Variants in GUCY1A2 observed in about 807,000 individuals in gnomAD.
The protein encoded by GUCY1A2 is guanylate cyclase 1 soluble subunit alpha 2, also known as guanylate cyclase soluble subunit alpha-2.
A neutral mutation model predicts 63.5 loss-of-function variants in GUCY1A2; 27 were observed. The ratio of observed to expected loss-of-function variants is 0.43; its 90% CI spans 0.31 to 0.59. The LOEUF is 0.59. GUCY1A2 is among the 20% of genes least tolerant of loss of function. The pLI is 0.11. For synonymous variants in GUCY1A2, 364 were observed against 343.5 expected, an observed-to-expected ratio of 1.06 and a Z score of -0.66; for missense variants, 768 against 913.3, an observed-to-expected ratio of 0.84 and a Z score of 2.05.
intron 4 of GUCY1A2, among the ~76,000 whole-genome samples, chr11:106,913,434 C>T (rs1240298735): frequency 6.6e-6 from 1 of 152,018 alleles, no homozygotes; most frequent in East Asian, 1.9e-4. Flanking sequence ...GCCTGCCTCT[C>T]TTTAACAACC....
At chr11:106,842,216 C>T (rs1859208405) in intron 4 of GUCY1A2, among the ~76,000 whole-genome samples, 1 of 151,920 alleles carries the variant, frequency 6.6e-6, no homozygotes, top group African/African-American at 2.4e-5. Flanking sequence ...CCATCCCTTC[C>T]CTTGCTCCAT....
chr11:106,940,255 A>G (rs1860735620), intron 3 of GUCY1A2, 77 bp from the exon 4 acceptor site: 5 of 711,396 alleles, frequency 7.0e-6, no homozygotes, highest in South Asian at 5.6e-5. Flanking sequence ...AGTGCTTATC[A>G]AAAGAGTAAC....
chr11:106,960,682 T>C (rs938466901), intron 3 of GUCY1A2, among the ~76,000 whole-genome samples: 1 of 152,238 alleles, frequency 6.6e-6, no homozygotes, highest in African/African-American at 2.4e-5. Context: ...GGTAAGCCTT[T>C]GGTTTTAAGT....
intron 1 of GUCY1A2, among the ~76,000 whole-genome samples, chr11:107,012,221 T>G (rs1281119178): frequency 6.6e-6 from 1 of 151,696 alleles, no homozygotes; most frequent in Non-Finnish European, 1.5e-5. Context: ...TTTAATGGAT[T>G]GTCTGGGCTA....
At chr11:106,979,382 G>T (rs1005860318) in intron 2 of GUCY1A2, among the ~76,000 whole-genome samples, 33 of 151,012 alleles carry the variant, frequency 2.2e-4, no homozygotes, top group African/African-American at 8.0e-4. Flanking sequence ...GTGAACCCAG[G>T]AGGCGGAGCT....
chr11:106,689,395 ATTCT>A (rs1280232827), intron 7 of GUCY1A2, among the ~76,000 whole-genome samples: 11 of 152,230 alleles, frequency 7.2e-5, no homozygotes, highest in African/African-American at 2.7e-4. Context: ...ACATTTCAAA[ATTCT>A]TTCAAAAGCC....
At chr11:106,820,423 G>C (rs1408936023) in intron 4 of GUCY1A2, among the ~76,000 whole-genome samples, 2 of 152,118 alleles carry the variant, frequency 1.3e-5, no homozygotes, top group Non-Finnish European at 2.9e-5. Flanking sequence ...TTTAGAGACA[G>C]AGTCTCACTC....
At chr11:106,825,960 G>C (rs1356028408) in intron 4 of GUCY1A2, among the ~76,000 whole-genome samples, 1 of 152,018 alleles carries the variant, frequency 6.6e-6, no homozygotes, top group Non-Finnish European at 1.5e-5. Flanking sequence ...TAGCAAACGA[G>C]ATATTGCTAC....
chr11:106,877,853 G>C lies in GUCY1A2; in HGVS notation c.1206+61607C>G, dbSNP rs117320672. Among the ~76,000 whole-genome samples the C allele has an allele frequency of 3.4e-4, 52 of 152,196 alleles. No homozygotes were observed. In the East Asian group the frequency reaches 9.5e-3, roughly 28 times the overall value. ...AGTAAACAGACAAACTACAGAATGA[G>C]AGAAAATTTTTGCAAAGTACGAATC... On this transcript the variant is annotated intron_variant, in intron 4 of 7. Transcript: ENST00000526355.
rs1862371513 is a variant in GUCY1A2 at position 106,677,839 on chromosome 11, C to G, written c.*9710G>C. On this transcript the variant is annotated 3_prime_UTR_variant, in exon 8 of 8. Transcript: ENST00000526355. ...TAAGTTGCATTTCATCTGAATCCAA[C>G]TAAATATTTCATACATGTTCATAAA... 1 of 206,764 alleles carries G rather than the reference C, an allele frequency of 4.8e-6. No individual in the cohort carries two copies. The highest frequency in any genetic ancestry group is 1.9e-4 in the South Asian group (1 of 5,312). The allele number at this position is 206,764 out of a possible 1,614,324, so 12.8% of individuals were successfully genotyped here. A position where few individuals can be genotyped will look rare whatever the true frequency, so the allele number is the denominator to read the frequency against.
At chr11:106,861,261 AAGAAG>A (rs1201043364) in intron 4 of GUCY1A2, among the ~76,000 whole-genome samples, 26 of 151,814 alleles carry the variant, frequency 1.7e-4, no homozygotes, top group Non-Finnish European at 4.4e-5. Context: ...TAACTGAGGA[AAGAAG>A]AGAAATGTTA....
chr11:106,750,440 C>A (rs112453256), intron 6 of GUCY1A2, among the ~76,000 whole-genome samples: 2 of 151,980 alleles, frequency 1.3e-5, no homozygotes, highest in Non-Finnish European at 2.9e-5. Context: ...TCTAGGCATC[C>A]CTCAGTCCAA....
chr11:106,982,865 T>TA (rs975333769), intron 2 of GUCY1A2, among the ~76,000 whole-genome samples: 3 of 152,188 alleles, frequency 2.0e-5, no homozygotes, highest in Non-Finnish European at 2.9e-5. Context: ...ATTTAGACTT[T>TA]ATTCTACCAT....
At chr11:106,781,986 A>G (rs973981699) in intron 5 of GUCY1A2, among the ~76,000 whole-genome samples, 2 of 152,220 alleles carry the variant, frequency 1.3e-5, no homozygotes, top group East Asian at 3.8e-4. Context: ...TACTTAAGAA[A>G]TATCTGGGAA....
chr11:106,746,409 A>G, intron 6 of GUCY1A2: 1 of 478,462 alleles, frequency 2.1e-6, no homozygotes, highest in Non-Finnish European at 3.7e-6. Flanking sequence ...AGTCTCAACA[A>G]ACTACCAGTA....
At chr11:106,800,174 A>G (rs1864847722) in intron 5 of GUCY1A2, among the ~76,000 whole-genome samples, 1 of 152,212 alleles carries the variant, frequency 6.6e-6, no homozygotes, top group Admixed American at 6.5e-5. Flanking sequence ...AATGCAAATC[A>G]AAACCACAAT....
intron 4 of GUCY1A2, among the ~76,000 whole-genome samples, chr11:106,929,065 T>C (rs1208196244): frequency 1.3e-5 from 2 of 152,180 alleles, no homozygotes; most frequent in African/African-American, 2.4e-5. Flanking sequence ...ACCAGTATAA[T>C]AGAAATGTGT....
At chr11:107,008,904 T>C (rs1861707397) in intron 1 of GUCY1A2, among the ~76,000 whole-genome samples, 1 of 152,230 alleles carries the variant, frequency 6.6e-6, no homozygotes, top group Non-Finnish European at 1.5e-5. Flanking sequence ...AAGGATGTTT[T>C]AGAACATTCT....
intron 7 of GUCY1A2, among the ~76,000 whole-genome samples, chr11:106,691,988 T>C (rs1486831983): frequency 6.6e-6 from 1 of 152,084 alleles, no homozygotes; most frequent in African/African-American, 2.4e-5. Context: ...TCACACAGCA[T>C]GCCTGTTGAT....
Sources: allele counts gnomAD v4.1 joint callset (sites outside exome capture counted in the v4.1 genomes callset), GRCh38; gene constraint gnomAD v4.1.1; transcripts MANE v1.5; gene names NCBI Gene and HGNC (gene_info 2026-07-23, HGNC 2026-07-21).